Variants in PCDHGC3 observed in about 807,000 individuals in gnomAD.
The protein encoded by PCDHGC3 is protocadherin gamma-C3.
In PCDHGC3, 26 loss-of-function variants were observed where a neutral mutation model predicts 59.2. That is an observed-to-expected ratio of 0.44 (90% CI 0.32 to 0.61). PCDHGC3 has a LOEUF of 0.61. Among genes scored for constraint, PCDHGC3 ranks in the 20% least tolerant of loss-of-function variants. The probability of loss-of-function intolerance (pLI) is 0.05; values close to 1 mark genes in which losing one functional copy is unlikely to be tolerated. For missense variants in PCDHGC3, 1,080 were observed against 1,221.8 expected, an observed-to-expected ratio of 0.88 and a Z score of 1.73; for synonymous variants, 487 against 519.7, an observed-to-expected ratio of 0.94 and a Z score of 0.86.
chr5:141,505,705 GAA>G (rs1250788277), intron 3 of PCDHGC3, among the ~76,000 whole-genome samples: 1 of 152,198 alleles, frequency 6.6e-6, no homozygotes, highest in Non-Finnish European at 1.5e-5. Flanking sequence ...AGCGAACAAG[GAA>G]AAGACTCATG....
chr5:141,489,225 A>G lies in PCDHGC3; in HGVS notation c.2431-5582A>G. 3 of 1,518,230 alleles carry G rather than the reference A, an allele frequency of 2.0e-6. No individual in the cohort carries two copies. Among genetic ancestry groups the G allele is most frequent in the East Asian group, 2.3e-5 (1 of 44,234 alleles). 94.0% of individuals were successfully genotyped at this position (1,518,230 alleles called of 1,614,324 possible). On this transcript the variant is annotated intron_variant, in intron 1 of 3. Coordinates refer to ENST00000308177, the MANE Select transcript of PCDHGC3 (RefSeq NM_002588.4). The surrounding 1 kb of genome is among the most constrained non-coding windows in gnomAD (Gnocchi z 4.5). ...GGACAGCACAGACTTACTCTCCACA[A>G]AGGGACTTCTGGGTCATGGGGCCCA...
In PCDHGC3 at chr5:141,478,088, A is replaced by G. The variant is rs2099429877; in HGVS notation, c.1972A>G (p.Thr658Ala). Residue 658 changes from threonine to alanine, a missense_variant, in exon 1 of 4, where the codon ACC (threonine) becomes GCC (alanine). Transcript: ENST00000308177. Reference sequence around the variant, plus strand: ...AGACAATGGGGAGCCTTCGCTCTCCACCACTGCTACCCTCACTGTGTCAGT... The same window carrying G: ...AGACAATGGGGAGCCTTCGCTCTCCGCCACTGCTACCCTCACTGTGTCAGT... ...IKDNGEPSLS[T>A]TATLTVSVTE... The G allele has an allele frequency of 1.2e-6, 2 of 1,613,944 alleles. No individual in the cohort carries two copies. The highest frequency in any genetic ancestry group is 1.3e-5 in the African/African-American group (1 of 74,902).
At position 141,510,965 on chromosome 5, in the gene PCDHGC3, C is replaced by T. The variant is rs1473736492; in HGVS notation, c.2597C>T (p.Ser866Phe). The T allele has an allele frequency of 3.1e-6, 5 of 1,614,026 alleles. No homozygotes were observed. The highest frequency in any genetic ancestry group is 4.2e-6 in the Non-Finnish European group (5 of 1,180,020). The change falls in exon 4 of 4, where the codon TCC becomes TTC. Residue 866 changes from serine (S) to phenylalanine (F), a missense_variant. Transcript: ENST00000308177. ...TCTGCAGAAGCTGCTGATGGGAGCT[C>T]CACCCTGGGAGGGGGTGCCGGCACC... ...ASASEAADGS[S>F]TLGGGAGTMG...
chr5:141,476,554 G>A lies in PCDHGC3; in HGVS notation c.438G>A (p.Glu146=). Residue 146 remains glutamate, a synonymous_variant, in exon 1 of 4, where the codon GAG becomes GAA. Transcript: ENST00000308177. This position sits in a 1 kb window ranked among gnomAD's most constrained non-coding sequence, Gnocchi z 7.6. The part of the protein sequence containing the change: ...PTQEMKLEIS[E]AVAPGTRFPL... The stretch of plus-strand genomic sequence containing the variant: ...AGGAAATGAAATTGGAGATTAGCGA[G>A]GCCGTGGCTCCGGGGACGCGCTTTC... 1 of 1,614,232 alleles carries A rather than the reference G, an allele frequency of 6.2e-7. No individual in the cohort carries two copies. Among genetic ancestry groups the A allele is most frequent in the Non-Finnish European group, 8.5e-7 (1 of 1,180,036 alleles).
chr5:141,489,558 G>A lies in PCDHGC3; in HGVS notation c.2431-5249G>A. On this transcript the variant is annotated intron_variant, in intron 1 of 3. Coordinates refer to ENST00000308177, the MANE Select transcript of PCDHGC3 (RefSeq NM_002588.4). The surrounding 1 kb of genome is among the most constrained non-coding windows in gnomAD (Gnocchi z 4.5). ...CCAGCACCAGCTGCCTGCTGCCAGT[G>A]CAGGTGGTGACTGAACACCCCCTGG... 1 of 1,614,130 alleles carries A rather than the reference G, an allele frequency of 6.2e-7. No individual in the cohort carries two copies. Among genetic ancestry groups the A allele is most frequent in the Non-Finnish European group, 8.5e-7 (1 of 1,180,024 alleles).
Position 141,489,173 on chromosome 5 carries a change from C to T in PCDHGC3, c.2431-5634C>T. 8.3e-7 allele frequency: 1 copy of T among 1,208,434 alleles called. No individual in the cohort carries two copies. Among genetic ancestry groups the T allele is most frequent in the Non-Finnish European group, 1.2e-6 (1 of 860,944 alleles). The allele number at this position is 1,208,434 out of a possible 1,614,324, so 74.9% of individuals were successfully genotyped here. ...CATAAGAGACTTCAGCTGCTGCATTCCAAGCCCTGGGTCTACCTTGGAGAC... is the reference window on the plus strand; with the variant it reads ...CATAAGAGACTTCAGCTGCTGCATTTCAAGCCCTGGGTCTACCTTGGAGAC... On this transcript the variant is annotated intron_variant, in intron 1 of 3. Coordinates refer to ENST00000308177, the MANE Select transcript of PCDHGC3 (RefSeq NM_002588.4). The surrounding 1 kb of genome is among the most constrained non-coding windows in gnomAD (Gnocchi z 4.5).
rs2233603 is a variant in PCDHGC3 at position 141,490,063 on chromosome 5, G to A, written c.2431-4744G>A. 1,259 of 1,614,208 alleles carry A rather than the reference G, an allele frequency of 7.8e-4. 6 individuals carry two copies. The African/African-American group carries it at 0.013, about 16-fold the overall frequency. On this transcript the variant is annotated intron_variant, in intron 1 of 3. Transcript: ENST00000308177. The surrounding 1 kb of genome is among the most constrained non-coding windows in gnomAD (Gnocchi z 5.4). ...CACTGATCCAGACGAGGGCACCAAC[G>A]GCCAACTAGACTATTCTTTTGGAGA...
At chr5:141,492,161 TC>T (rs1269738341) in intron 1 of PCDHGC3, among the ~76,000 whole-genome samples, 2 of 152,142 alleles carry the variant, frequency 1.3e-5, no homozygotes, top group Admixed American at 6.5e-5. Context: ...ACCCTCCCTA[TC>T]CCCGCATCAC....
chr5:141,494,953 T>G, intron 2 of PCDHGC3, 88 bp downstream of exon 2: 1 of 1,604,164 alleles, frequency 6.2e-7, no homozygotes, highest in Non-Finnish European at 8.5e-7. Flanking sequence ...GCCCAGCATT[T>G]GCTACAGATG....
At chr5:141,481,649 C>G (rs1199734660) in intron 1 of PCDHGC3, among the ~76,000 whole-genome samples, 1 of 152,012 alleles carries the variant, frequency 6.6e-6, no homozygotes, top group African/African-American at 2.4e-5. Flanking sequence ...GAAACTTCAT[C>G]TCTACTAATA....
intron 2 of PCDHGC3, among the ~76,000 whole-genome samples, chr5:141,503,081 C>G (rs1354848667): frequency 6.6e-6 from 1 of 151,960 alleles, no homozygotes; most frequent in Non-Finnish European, 1.5e-5. Flanking sequence ...TCTCGATCTC[C>G]TGACCTCGTG....
At chr5:141,501,333 A>ACC (rs1554187333) in intron 2 of PCDHGC3, among the ~76,000 whole-genome samples, 192 of 140,118 alleles carry the variant, frequency 1.4e-3, no homozygotes, top group Admixed American at 5.6e-3. Flanking sequence ...ACACACACAC[A>ACC]CCCCAAACTC....
chr5:141,487,348 C>T lies in PCDHGC3; in HGVS notation c.2431-7459C>T, dbSNP rs929693998. ...GTGGGGCAGCCTGTGGAGTCACATG[C>T]TTTCCTGCTGGCACCTGTGCCTGTC... On this transcript the variant is annotated intron_variant, in intron 1 of 3. Coordinates refer to ENST00000308177, the MANE Select transcript of PCDHGC3 (RefSeq NM_002588.4). The surrounding 1 kb of genome is among the most constrained non-coding windows in gnomAD (Gnocchi z 5.0). The T allele has an allele frequency of 2.5e-6, 4 of 1,614,080 alleles. No homozygotes were observed. The highest frequency in any genetic ancestry group is 2.2e-5 in the East Asian group (1 of 44,882).
Position 141,489,828 on chromosome 5 carries a change from A to G in PCDHGC3, c.2431-4979A>G. The G allele has an allele frequency of 1.9e-6, 3 of 1,614,010 alleles. No homozygotes were observed. The highest frequency in any genetic ancestry group is 1.1e-5 in the South Asian group (1 of 91,080). ...GGAAGCCATTCCCAGAGCTGGTGCTAGAGCAGCAGCTGGATCGTGAAGCCC... is the reference window on the plus strand; with the variant it reads ...GGAAGCCATTCCCAGAGCTGGTGCTGGAGCAGCAGCTGGATCGTGAAGCCC... On this transcript the variant is annotated intron_variant, in intron 1 of 3. Transcript: ENST00000308177. The surrounding 1 kb of genome is among the most constrained non-coding windows in gnomAD (Gnocchi z 4.5).
chr5:141,495,892 TTGTCTC>T (rs1035324353), intron 2 of PCDHGC3, among the ~76,000 whole-genome samples: 1 of 152,198 alleles, frequency 6.6e-6, no homozygotes, highest in Admixed American at 6.5e-5. Flanking sequence ...TTGTCTCTCT[TTGTCTC>T]TGTCTCTGTA....
chr5:141,509,499 T>C (rs895353804), intron 3 of PCDHGC3, among the ~76,000 whole-genome samples: 1 of 152,128 alleles, frequency 6.6e-6, no homozygotes, highest in Non-Finnish European at 1.5e-5. Flanking sequence ...GCATGCTGGA[T>C]GTGACGGTGT....
In PCDHGC3 at chr5:141,491,634, C is replaced by T; in HGVS notation, c.2431-3173C>T. On this transcript the variant is annotated intron_variant, in intron 1 of 3. Coordinates refer to ENST00000308177, the MANE Select transcript of PCDHGC3 (RefSeq NM_002588.4). This position sits in a 1 kb window ranked among gnomAD's most constrained non-coding sequence, Gnocchi z 6.9. ...TAAGACCCCTCAGCGTTCAGCAGCC[C>T]ACAGCTCTGGCGCTGGAGCCTGACG... 1 of 1,613,892 alleles carries T rather than the reference C, an allele frequency of 6.2e-7. No individual in the cohort carries two copies. Among genetic ancestry groups the T allele is most frequent in the South Asian group, 1.1e-5 (1 of 91,084 alleles).
intron 1 of PCDHGC3, among the ~76,000 whole-genome samples, chr5:141,483,164 T>C (rs1051456583): frequency 1.1e-4 from 17 of 152,148 alleles, no homozygotes; most frequent in Non-Finnish European, 2.5e-4. Context: ...AGATCCTGAG[T>C]TACCTTTGGG....
chr5:141,482,758 T>TGC (rs1413945459), intron 1 of PCDHGC3, among the ~76,000 whole-genome samples: 74 of 141,724 alleles, frequency 5.2e-4, no homozygotes, highest in African/African-American at 9.9e-4. Flanking sequence ...ATTATGGTAT[T>TGC]TCATTATCAC....
Sources: gnomAD v4.1 joint callset for allele counts (sites outside exome capture counted in the v4.1 genomes callset) on GRCh38, gnomAD v4.1.1 for gene constraint, Gnocchi (gnomAD v3.1) non-coding constraint, MANE v1.5 for transcripts, NCBI Gene and HGNC (gene_info 2026-07-23, HGNC 2026-07-21) for gene names.